The following TNRC18 variants were observed in gnomAD, a reference collection of about 807,000 sequenced individuals.
The protein encoded by TNRC18 is trinucleotide repeat containing 18, also known as trinucleotide repeat-containing gene 18 protein.
In TNRC18, 69 loss-of-function variants were observed where a neutral mutation model predicts 226.7. That is an observed-to-expected ratio of 0.30 (90% CI 0.25 to 0.37). TNRC18 has a LOEUF of 0.37. TNRC18 is among the 10% of genes least tolerant of loss of function. The pLI, the probability that TNRC18 is intolerant of heterozygous loss-of-function variation, is 1.00. For synonymous variants in TNRC18, 2,449 were observed against 1,927.6 expected, an observed-to-expected ratio of 1.27 and a Z score of -7.09; for missense variants, 4,754 against 4,256.6, an observed-to-expected ratio of 1.12 and a Z score of -3.25.
intron 2 of TNRC18, among the ~76,000 whole-genome samples, chr7:5,395,817 C>G (rs1441666858): frequency 1.3e-5 from 2 of 152,176 alleles, no homozygotes; most frequent in East Asian, 1.9e-4. Flanking sequence ...TGGTGAAACC[C>G]CGCCCCTACT....
At chr7:5,362,564 G>T in intron 12 of TNRC18, 86 bp downstream of exon 12, 1 of 1,322,926 alleles carries the variant, frequency 7.6e-7, no homozygotes, top group Non-Finnish European at 1.0e-6. Context: ...AGCCAGCCAC[G>T]CCCCAGGCAG....
At position 5,371,277 on chromosome 7, in the gene TNRC18, TCGGCGG is replaced by T. The variant is rs1794134743; in HGVS notation, c.3311_3316del (p.Ala1104_Ala1105del). 4 of 1,586,908 alleles carry T rather than the reference TCGGCGG, an allele frequency of 2.5e-6. No homozygotes were observed. In the South Asian group the frequency reaches 3.4e-5, roughly 13 times the overall value. ...CACATCAGGGGCCAAGCCGTCCGCGTCGGCGGCGGCCGTGGGCTGCAGCAGGAAAGG... is the reference window on the plus strand; with the variant it reads ...CACATCAGGGGCCAAGCCGTCCGCGTCGGCCGTGGGCTGCAGCAGGAAAGG... On this transcript the variant is annotated inframe_deletion, in exon 11 of 30. Coordinates refer to ENST00000430969, the MANE Select transcript of TNRC18 (RefSeq NM_001080495.3).
At chr7:5,381,666 G>A (rs1479002234) in intron 5 of TNRC18, among the ~76,000 whole-genome samples, 1 of 152,118 alleles carries the variant, frequency 6.6e-6, no homozygotes, top group East Asian at 1.9e-4. Context: ...AAGACTGAAA[G>A]AAAGAAAAGT....
chr7:5,367,562 G>T (rs960306916), intron 11 of TNRC18, among the ~76,000 whole-genome samples: 11 of 151,300 alleles, frequency 7.3e-5, no homozygotes, highest in East Asian at 2.0e-4. Flanking sequence ...CGAGTAGCTG[G>T]GATTACAGGT....
chr7:5,335,861 C>T (rs1190476367), intron 18 of TNRC18, among the ~76,000 whole-genome samples: 1 of 138,430 alleles, frequency 7.2e-6, no homozygotes, highest in Non-Finnish European at 1.5e-5. Flanking sequence ...AAAAAAAAGG[C>T]ATTCTGACTC....
intron 16 of TNRC18, among the ~76,000 whole-genome samples, chr7:5,353,638 G>A (rs1325250975): frequency 6.6e-6 from 1 of 150,964 alleles, no homozygotes; most frequent in African/African-American, 2.4e-5. Flanking sequence ...AGAGGAGACC[G>A]TTCTCGCTTC....
intron 5 of TNRC18, among the ~76,000 whole-genome samples, chr7:5,383,169 C>A (rs1779517909): frequency 6.6e-6 from 1 of 152,206 alleles, no homozygotes; most frequent in Admixed American, 6.5e-5. Context: ...TCCCAAAGAG[C>A]TGGGATTACA....
Position 5,324,038 on chromosome 7 carries a change from T to G in TNRC18, c.6442+176A>C, listed in dbSNP as rs1788644706. On this transcript the variant is annotated intron_variant, in intron 21 of 29. Transcript: ENST00000430969. This position sits in a 1 kb window ranked among gnomAD's most constrained non-coding sequence, Gnocchi z 4.8. Reference sequence around the variant, plus strand: ...TTGCCTCATCTGCAGTTGACTAAGCTGCAGCCAGTCCAGCCTTCTCATCGA... The same window carrying G: ...TTGCCTCATCTGCAGTTGACTAAGCGGCAGCCAGTCCAGCCTTCTCATCGA... 6.6e-6 allele frequency among the ~76,000 whole-genome samples: 1 copy of G among 152,224 alleles called. No individual in the cohort carries two copies. The highest frequency in any genetic ancestry group is 1.5e-5 in the Non-Finnish European group (1 of 68,042).
rs76661218 is a variant in TNRC18 at position 5,362,422 on chromosome 7, C to T, written c.4395+228G>A. 0.046 allele frequency among the ~76,000 whole-genome samples: 7,068 copies of T among 152,190 alleles called. 213 individuals carry two copies. Among genetic ancestry groups the T allele is most frequent in the East Asian group, 0.071 (365 of 5,166 alleles). The stretch of plus-strand genomic sequence containing the variant: ...ACTCTGTTTCCAGTGGATCACACCG[C>T]GACCTGTGTGATGAGCCTGACATGC... On this transcript the variant is annotated intron_variant, in intron 12 of 29. Transcript: ENST00000430969.
chr7:5,364,462 AACACACACACAC>A lies in TNRC18; in HGVS notation c.4220-1649_4220-1638del, dbSNP rs58752853. On this transcript the variant is annotated intron_variant, in intron 11 of 29. Coordinates refer to ENST00000430969, the MANE Select transcript of TNRC18 (RefSeq NM_001080495.3). ...AACAGAGCGAGCCTGTCTCAAAGAA[AACACACACACAC>A]ACACACACACACACACACACACACA... Among the ~76,000 whole-genome samples the A allele has an allele frequency of 9.5e-3, 1,106 of 116,696 alleles. 11 individuals carry two copies. The highest frequency in any genetic ancestry group is 0.017 in the African/African-American group (524 of 31,032). The allele number at this position is 116,696 out of a possible 152,430, so 76.6% of individuals were successfully genotyped here. A position where few individuals can be genotyped will look rare whatever the true frequency, so the allele number is the denominator to read the frequency against.
intron 19 of TNRC18, among the ~76,000 whole-genome samples, chr7:5,332,368 G>C (rs1423251171): frequency 6.6e-6 from 1 of 152,208 alleles, no homozygotes; most frequent in African/African-American, 2.4e-5. Flanking sequence ...AGGAGGTAAA[G>C]GCTGCAGTGA....
chr7:5,372,022 C>T (rs1291847467), intron 10 of TNRC18, among the ~76,000 whole-genome samples: 6 of 152,092 alleles, frequency 3.9e-5, no homozygotes, highest in Non-Finnish European at 4.4e-5. Context: ...CTCAGCCTCG[C>T]GAGCAGCTGG....
intron 17 of TNRC18, among the ~76,000 whole-genome samples, chr7:5,347,246 G>A (rs1349563102): frequency 6.7e-6 from 1 of 149,986 alleles, no homozygotes; most frequent in Non-Finnish European, 1.5e-5. Context: ...GGAGTGCAGT[G>A]GCACGATTTC....
rs113405524 is a variant in TNRC18, at chr7:5,332,868, C to T, written c.5901G>A (p.Lys1967=). The T allele has an allele frequency of 0.013, 20,209 of 1,514,216 alleles. 201 individuals are homozygous for T. Among genetic ancestry groups the T allele is most frequent in the South Asian group, 0.031 (2,491 of 81,044 alleles). 93.8% of individuals were successfully genotyped at this position (1,514,216 alleles called of 1,614,324 possible). A position where few individuals can be genotyped will look rare whatever the true frequency, so the allele number is the denominator to read the frequency against. ...SPDKAKLAVE[K]GRKARKLRGP... ...CCCGCAGCTTCCGGGCCTTGCGCCC[C>T]TTCTCCACCGCCAGCTTGGCCTTGT... The change falls in exon 19 of 30, where the codon AAG becomes AAA. Residue 1967 remains lysine, a synonymous_variant. Coordinates refer to ENST00000430969, the MANE Select transcript of TNRC18 (RefSeq NM_001080495.3).
chr7:5,375,286 G>A (rs1794548654), intron 9 of TNRC18, among the ~76,000 whole-genome samples: 1 of 152,042 alleles, frequency 6.6e-6, no homozygotes, highest in Non-Finnish European at 1.5e-5. Flanking sequence ...TCCAGCCTGG[G>A]CGACAGAGCA....
chr7:5,356,791 C>T (rs1459862107), intron 16 of TNRC18, 125 bp downstream of exon 16: 30 of 1,353,490 alleles, frequency 2.2e-5, no homozygotes, highest in Non-Finnish European at 2.8e-5. Flanking sequence ...CTGTAGTGCG[C>T]CCCAGAGAGA....
In TNRC18 at chr7:5,374,397, G is replaced by T; in HGVS notation, c.2887C>A (p.Leu963Met). 6.5e-7 allele frequency: 1 copy of T among 1,529,406 alleles called. No homozygotes were observed. The highest frequency in any genetic ancestry group is 8.8e-7 in the Non-Finnish European group (1 of 1,138,456). 94.7% of individuals were successfully genotyped at this position (1,529,406 alleles called of 1,614,324 possible). ...AGCAGCCCGGGGCCGGCGGTGGCCA[G>T]GCCAGCCTTGCCCGCAGCCTCCAGG... ...RGLEAAGKAG[L>M]ATAGPGLLPR... The change falls in exon 10 of 30, where the codon CTG becomes ATG. Residue 963 changes from leucine to methionine, a missense_variant. By Grantham distance (15) the Leu-to-Met change is conservative. Transcript: ENST00000430969.
At position 5,308,324 on chromosome 7, in the gene TNRC18, C is replaced by G; in HGVS notation, c.8701-12G>C. On this transcript the variant is annotated splice_polypyrimidine_tract_variant and intron_variant, in intron 29 of 29. Coordinates refer to ENST00000430969, the MANE Select transcript of TNRC18 (RefSeq NM_001080495.3). ...TGGTATAGCGCGCGCTGCGGGCACG[C>G]GGGGATATCAGGATGGCAGGTGGGG... 1.2e-6 allele frequency: 2 copies of G among 1,602,746 alleles called. No individual in the cohort carries two copies. The highest frequency in any genetic ancestry group is 1.7e-6 in the Non-Finnish European group (2 of 1,175,116).
chr7:5,408,846 G>A (rs545654457), intron 2 of TNRC18, among the ~76,000 whole-genome samples: 3 of 152,184 alleles, frequency 2.0e-5, no homozygotes, highest in African/African-American at 7.2e-5. Context: ...CAAGAGAGTT[G>A]GTTTCACCAC....
Sources: allele counts gnomAD v4.1 joint callset (sites outside exome capture counted in the v4.1 genomes callset), GRCh38; gene constraint gnomAD v4.1.1; non-coding constraint Gnocchi (gnomAD v3.1); transcripts MANE v1.5; gene names NCBI Gene and HGNC (gene_info 2026-07-23, HGNC 2026-07-21).